PHF24: variants seen among roughly 807,000 people sequenced by gnomAD.
PHF24 encodes the protein PHD finger protein 24, also known as Galpha inhibitory interacting protein.
Under a neutral mutation model 42.6 loss-of-function variants are expected in PHF24, and 25 were observed. That is an observed-to-expected ratio of 0.59 (90% CI 0.43 to 0.82). PHF24 has a LOEUF of 0.82. Among genes scored for constraint, PHF24 ranks in the 40% least tolerant of loss-of-function variants. The pLI is 0.00. For synonymous variants in PHF24, 185 were observed against 204.8 expected (o/e 0.90, Z 0.83); for missense variants, 470 against 538.1 (o/e 0.87, Z 1.25).
chr9:34,668,797 A>G, the PHF24 span, among the ~76,000 whole-genome samples: 1 of 152,226 alleles, frequency 6.6e-6, no homozygotes, highest in Admixed American at 6.5e-5. Context: ...GTAAACTGAT[A>G]GCTTATCTTC....
chr9:34,907,325 G>C, the PHF24 span, among the ~76,000 whole-genome samples: 1 of 152,000 alleles, frequency 6.6e-6, no homozygotes, highest in African/African-American at 2.4e-5. Context: ...ATTTCCTACT[G>C]TCCATGAAAA....
At chr9:34,860,411 T>A in the PHF24 span, among the ~76,000 whole-genome samples, 1 of 152,226 alleles carries the variant, frequency 6.6e-6, no homozygotes, top group Non-Finnish European at 1.5e-5. Flanking sequence ...TTATTTTTGC[T>A]ATTTTTACTT....
At chr9:34,773,548 CA>C in the PHF24 span, among the ~76,000 whole-genome samples, 4 of 151,862 alleles carry the variant, frequency 2.6e-5, no homozygotes, top group African/African-American at 9.7e-5. Context: ...GATTACAATC[CA>C]AAGGATAAAA....
chr9:34,676,638 T>TA, the PHF24 span, among the ~76,000 whole-genome samples: 2 of 152,232 alleles, frequency 1.3e-5, no homozygotes, highest in Non-Finnish European at 2.9e-5. Flanking sequence ...TGCATTGTTA[T>TA]AAAGAAATAC....
the PHF24 span, among the ~76,000 whole-genome samples, chr9:34,870,646 C>A: frequency 1.3e-5 from 2 of 151,542 alleles, no homozygotes; most frequent in African/African-American, 4.8e-5. Flanking sequence ...TGTCTCACTG[C>A]AGGCTTGACC....
chr9:34,845,771 C>T, the PHF24 span, among the ~76,000 whole-genome samples: 5 of 130,156 alleles, frequency 3.8e-5, no homozygotes, highest in Non-Finnish European at 6.3e-5. Context: ...CACAACAGTC[C>T]CCAGAGTGTG....
chr9:34,889,829 T>C, the PHF24 span, among the ~76,000 whole-genome samples: 4 of 152,242 alleles, frequency 2.6e-5, no homozygotes, highest in East Asian at 1.9e-4. Flanking sequence ...TGCAAAATTT[T>C]GGCCCAGCAA....
chr9:34,768,611 G>C, the PHF24 span, among the ~76,000 whole-genome samples: 8 of 152,124 alleles, frequency 5.3e-5, no homozygotes, highest in Non-Finnish European at 1.0e-4. Flanking sequence ...ACTGTGCCTG[G>C]CGTACGTTGG....
chr9:34,894,119 A>T, the PHF24 span, among the ~76,000 whole-genome samples: 3 of 152,168 alleles, frequency 2.0e-5, no homozygotes, highest in Non-Finnish European at 4.4e-5. Context: ...TTTACGCAAA[A>T]TCCATTCCTC....
At chr9:34,810,118 CA>C in the PHF24 span, among the ~76,000 whole-genome samples, 3 of 152,032 alleles carry the variant, frequency 2.0e-5, no homozygotes, top group South Asian at 6.2e-4. Context: ...CTGGGCAGCG[CA>C]GGGCCGGCAG....
chr9:34,857,741 G>A, the PHF24 span, among the ~76,000 whole-genome samples: 277 of 152,258 alleles, frequency 1.8e-3, no homozygotes, highest in African/African-American at 2.4e-3. Context: ...CTAATTGGCC[G>A]CCTTTGCCCC....
the PHF24 span, among the ~76,000 whole-genome samples, chr9:34,672,340 AAG>A: frequency 1.3e-5 from 2 of 152,160 alleles, no homozygotes; most frequent in East Asian, 1.9e-4. Context: ...TGCTAGGAGA[AAG>A]AGAGTCTCTT....
the PHF24 span, among the ~76,000 whole-genome samples, chr9:34,851,719 G>A: frequency 6.6e-6 from 1 of 152,124 alleles, no homozygotes; most frequent in Non-Finnish European, 1.5e-5. Flanking sequence ...CTGTAGACCG[G>A]AGCTGTTCCT....
At chr9:34,759,015 G>C in the PHF24 span, among the ~76,000 whole-genome samples, 24 of 152,190 alleles carry the variant, frequency 1.6e-4, no homozygotes, top group African/African-American at 5.8e-4. Context: ...GCACTCCACC[G>C]CTCTCCCCTC....
the PHF24 span, chr9:34,837,757 C>A: frequency 2.8e-6 from 3 of 1,068,692 alleles, no homozygotes; most frequent in South Asian, 4.1e-5. Context: ...TTCTCATGTC[C>A]AAAATGAGAC....
the PHF24 span, among the ~76,000 whole-genome samples, chr9:34,803,121 T>C: frequency 6.6e-5 from 10 of 152,132 alleles, no homozygotes; most frequent in Non-Finnish European, 1.0e-4. Context: ...AGAACACAGA[T>C]ACATCTCCAG....
chr9:34,888,045 G>A, the PHF24 span, among the ~76,000 whole-genome samples: 13 of 151,750 alleles, frequency 8.6e-5, no homozygotes, highest in African/African-American at 3.1e-4. Flanking sequence ...ACTATTCTCT[G>A]ACACGGCATG....
chr9:34,971,236 A>G, intron 1 of PHF24, 59 bp from the exon 2 acceptor site: 7 of 1,531,272 alleles, frequency 4.6e-6, no homozygotes, highest in Admixed American at 4.0e-5. Flanking sequence ...GTTGAAACTG[A>G]TTAGCCTGAC....
intron 1 of PHF24, among the ~76,000 whole-genome samples, chr9:34,961,782 A>G (rs766758278): frequency 5.3e-5 from 8 of 152,136 alleles, no homozygotes; most frequent in Non-Finnish European, 1.2e-4. Flanking sequence ...TGCCTTCCTT[A>G]TGATAGTAAT....
Sources: allele counts gnomAD v4.1 joint callset (sites outside exome capture counted in the v4.1 genomes callset), GRCh38; gene constraint gnomAD v4.1.1; transcripts MANE v1.5; gene names NCBI Gene and HGNC (gene_info 2026-07-23, HGNC 2026-07-21).